The following DUX4 variants were observed in gnomAD, a reference collection of about 807,000 sequenced individuals.
DUX4 encodes double homeobox 4, also known as double homeobox protein 4.
downstream of DUX4, among the ~76,000 whole-genome samples, chr4:190,177,968 G>T (rs1742396853): frequency 2.7e-4 from 40 of 148,868 alleles, no homozygotes; most frequent in East Asian, 1.2e-3. Context: ...CTAGACAAGA[G>T]TTACATCACC....
chr4:190,181,534 G>A (rs1188798951), intron 1 of DUX4, among the ~76,000 whole-genome samples: 3,210 of 27,946 alleles, frequency 0.11, 1 homozygote, highest in African/African-American at 0.15. Context: ...ACATCACCTC[G>A]GTGATCAATG....
At chr4:190,177,312 G>T (rs1742359273), downstream of DUX4, among the ~76,000 whole-genome samples, 2 of 146,682 alleles carry the variant, frequency 1.4e-5, no homozygotes, top group African/African-American at 5.0e-5. Flanking sequence ...GATCAGTACA[G>T]AAGTATGTCA....
At chr4:190,175,987 G>A (rs1742286375), downstream of DUX4, 3 of 109,146 alleles carry the variant, frequency 2.7e-5, 1 homozygote, top group African/African-American at 8.0e-5. Flanking sequence ...CTAGAGAATG[G>A]TTACATCACT....
In DUX4 at chr4:190,175,717, C is replaced by G. The variant is rs1340278962; in HGVS notation, c.*307C>G. 3.1e-5 allele frequency: 5 copies of G among 160,784 alleles called. No homozygotes were observed. The highest frequency in any genetic ancestry group is 8.1e-5 in the African/African-American group (3 of 37,218). The allele number at this position is 160,784 out of a possible 1,614,324, so 10.0% of individuals were successfully genotyped here. On this transcript the variant is annotated 3_prime_UTR_variant, in exon 2 of 2. Transcript: ENST00000565211. The stretch of plus-strand genomic sequence containing the variant: ...TGGCCTCTCTGTGCCCTTGTTCTTC[C>G]GTGAAATTCTGGCTGAATGTCTCCC...
downstream of DUX4, among the ~76,000 whole-genome samples, chr4:190,177,760 G>A (rs1579833272): frequency 7.3e-5 from 11 of 149,822 alleles, no homozygotes; most frequent in East Asian, 3.9e-4. Context: ...GCCTAGACAA[G>A]AGTCCCATCA....
At chr4:190,177,940 G>A (rs1742395857), downstream of DUX4, among the ~76,000 whole-genome samples, 35 of 54,150 alleles carry the variant, frequency 6.5e-4, no homozygotes, top group Admixed American at 1.7e-3. Context: ...ATGTCACAAT[G>A]TCTCCAGTAG....
At chr4:190,179,698 C>T, downstream of DUX4, among the ~76,000 whole-genome samples, 1 of 152,422 alleles carries the variant, frequency 6.6e-6, no homozygotes, top group Non-Finnish European at 1.5e-5. Context: ...GGGATCAGTG[C>T]AGAGATATGT....
downstream of DUX4, among the ~76,000 whole-genome samples, chr4:190,177,270 TG>T (rs1172273958): frequency 3.0e-4 from 9 of 29,902 alleles, no homozygotes; most frequent in Non-Finnish European, 7.0e-4. Context: ...CCCCTGTAGG[TG>T]GGGCCTAGAC....
At chr4:190,177,191 C>CACCAGAGCCTAGATAAATGTTACATCA (rs1742349944), downstream of DUX4, among the ~76,000 whole-genome samples, 3 of 67,174 alleles carry the variant, frequency 4.5e-5, no homozygotes, top group East Asian at 6.1e-4. Context: ...TGTCAAAACG[C>CACCAGAGCCTAGATAAATGTTACATCA]CCCTGTAGGC....
downstream of DUX4, among the ~76,000 whole-genome samples, chr4:190,176,620 C>T (rs1281768088): frequency 1.7e-5 from 2 of 120,346 alleles, no homozygotes; most frequent in Non-Finnish European, 1.9e-5. Flanking sequence ...TCAGGGTGAT[C>T]AGTGCAGAGA....
chr4:190,180,085 A>C (rs1160091684), downstream of DUX4, among the ~76,000 whole-genome samples: 1,235 of 1,900 alleles, frequency 0.65, 332 homozygotes, highest in Middle Eastern at 0.75. Context: ...GACAAGAGTC[A>C]GTCACCTGGG....
At chr4:190,181,718 C>T (rs1579837994) in intron 1 of DUX4, among the ~76,000 whole-genome samples, 463 of 53,750 alleles carry the variant, frequency 8.6e-3, no homozygotes, top group South Asian at 0.012. Context: ...GCAGATCCAA[C>T]ACAAGAGTTA....
chr4:190,179,783 GC>G (rs1742511635), downstream of DUX4, among the ~76,000 whole-genome samples: 19 of 147,282 alleles, frequency 1.3e-4, no homozygotes, highest in East Asian at 1.6e-3. Flanking sequence ...ATGTCAAAAT[GC>G]CCCTGTAGGC....
chr4:190,176,717 T>A (rs1215300542), downstream of DUX4, among the ~76,000 whole-genome samples: 237 of 88,164 alleles, frequency 2.7e-3, no homozygotes, highest in Admixed American at 3.4e-3. Flanking sequence ...AATGCCCATG[T>A]AGGCAGATCT....
At chr4:190,182,056 T>C (rs1202519517) in intron 1 of DUX4, 3 of 104,312 alleles carry the variant, frequency 2.9e-5, no homozygotes, top group Non-Finnish European at 6.9e-5. Context: ...AGGCAGAGCC[T>C]AGACAAGAGT....
downstream of DUX4, among the ~76,000 whole-genome samples, chr4:190,178,364 G>GTAGAGCCTAGA (rs1742420757): frequency 6.6e-6 from 1 of 150,658 alleles, no homozygotes; most frequent in Non-Finnish European, 1.5e-5. Context: ...TCCCCTGTAG[G>GTAGAGCCTAGA]CAAAGCCTAG....
chr4:190,178,188 G>C (rs1742408489), downstream of DUX4, among the ~76,000 whole-genome samples: 4 of 150,712 alleles, frequency 2.7e-5, no homozygotes, highest in African/African-American at 7.3e-5. Flanking sequence ...CATTACCTGG[G>C]TGATCAGTGC....
In DUX4 at chr4:190,175,781, G is replaced by A. The variant is rs1303125522; in HGVS notation, c.*371G>A. 2.6e-5 allele frequency: 4 copies of A among 153,384 alleles called. 1 individual carries two copies. The Admixed American group carries it at 2.9e-4, about 11-fold the overall frequency. 9.5% of individuals were successfully genotyped at this position (153,384 alleles called of 1,614,324 possible). A position where few individuals can be genotyped will look rare whatever the true frequency, so the allele number is the denominator to read the frequency against. On this transcript the variant is annotated 3_prime_UTR_variant, in exon 2 of 2. Transcript: ENST00000565211. ...GCTGTCTAGGCAAACCTGGATTAGA[G>A]TTACATCTCCTGGATGATTAGTTCA...
At chr4:190,179,595 C>T (rs1742505259), downstream of DUX4, among the ~76,000 whole-genome samples, 4 of 152,130 alleles carry the variant, frequency 2.6e-5, no homozygotes, top group Non-Finnish European at 5.9e-5. Context: ...GTAGCCAGAG[C>T]CTAGACAAAA....
Sources: allele counts gnomAD v4.1 joint callset (sites outside exome capture counted in the v4.1 genomes callset), GRCh38; gene constraint gnomAD v4.1.1; transcripts MANE v1.5; gene names NCBI Gene and HGNC (gene_info 2026-07-23, HGNC 2026-07-21).